Variants in AMPH observed in about 807,000 individuals in gnomAD.
AMPH encodes the protein amphiphysin (Stiff-Mann syndrome with breast cancer 128kD autoantigen).
In AMPH, 49 loss-of-function variants were observed where a neutral mutation model predicts 99.1. That is an observed-to-expected ratio of 0.49 (90% CI 0.39 to 0.63). The LOEUF (loss-of-function observed/expected upper bound fraction) is 0.63, where lower values mean the gene tolerates loss of function less well. Ranked by LOEUF, AMPH falls within the 20% of genes least tolerant of loss-of-function variation. The pLI is 0.00. For missense variants in AMPH, 759 were observed against 863.4 expected (o/e 0.88, Z 1.52); for synonymous variants, 314 against 317.3 (o/e 0.99, Z 0.11).
At chr7:38,545,108 A>C (rs1030696597) in intron 1 of AMPH, among the ~76,000 whole-genome samples, 1 of 152,212 alleles carries the variant, frequency 6.6e-6, no homozygotes, top group African/African-American at 2.4e-5. Flanking sequence ...AGAACCATAC[A>C]TGTGCCAGCA....
At chr7:38,446,374 G>A (rs1401750838) in intron 11 of AMPH, among the ~76,000 whole-genome samples, 1 of 152,116 alleles carries the variant, frequency 6.6e-6, no homozygotes, top group African/African-American at 2.4e-5. Flanking sequence ...TGCTTATAGT[G>A]CCTTTGTTTA....
intron 1 of AMPH, among the ~76,000 whole-genome samples, chr7:38,548,675 G>A (rs913273640): frequency 1.3e-5 from 2 of 152,116 alleles, no homozygotes; most frequent in African/African-American, 2.4e-5. Context: ...AGGGGGTCCC[G>A]AGCAGGTCTT....
intron 15 of AMPH, among the ~76,000 whole-genome samples, chr7:38,424,112 C>T (rs1785694327): frequency 2.0e-5 from 3 of 152,062 alleles, no homozygotes; most frequent in African/African-American, 7.2e-5. Context: ...ATCTGGCCAG[C>T]CCAAAGGAAA....
chr7:38,436,423 G>T, intron 11 of AMPH, 35 bp from the exon 12 acceptor site: 1 of 1,476,552 alleles, frequency 6.8e-7, no homozygotes, highest in Non-Finnish European at 9.5e-7. Context: ...AATAAAACAT[G>T]TATTAGCTTG....
intron 17 of AMPH, among the ~76,000 whole-genome samples, chr7:38,401,516 A>C (rs1479823092): frequency 1.3e-5 from 2 of 152,186 alleles, no homozygotes; most frequent in Non-Finnish European, 2.9e-5. Flanking sequence ...CACCTTATGT[A>C]ATTGGTAATG....
chr7:38,515,694 G>C (rs911723520), intron 2 of AMPH, among the ~76,000 whole-genome samples: 3 of 152,218 alleles, frequency 2.0e-5, no homozygotes, highest in Non-Finnish European at 2.9e-5. Flanking sequence ...ACTGGGTATT[G>C]GGTAGAGGTT....
chr7:38,434,950 C>T (rs1270949340), intron 12 of AMPH, among the ~76,000 whole-genome samples: 1 of 152,136 alleles, frequency 6.6e-6, no homozygotes, highest in African/African-American at 2.4e-5. Context: ...AGAGAACATT[C>T]CAATGAATAT....
intron 3 of AMPH, among the ~76,000 whole-genome samples, chr7:38,500,649 A>G (rs967246370): frequency 6.6e-6 from 1 of 152,194 alleles, no homozygotes; most frequent in Non-Finnish European, 1.5e-5. Flanking sequence ...ACTTATCCAC[A>G]TTTTCAAAAA....
intron 2 of AMPH, among the ~76,000 whole-genome samples, chr7:38,530,295 G>A (rs3807396): frequency 0.3 from 46,297 of 152,108 alleles, 7,536 homozygotes; most frequent in Non-Finnish European, 0.36. Flanking sequence ...CAACTCATGG[G>A]AGGCTGGTCT....
At chr7:38,426,894 A>G (rs2128990991) in intron 15 of AMPH, 60 bp downstream of exon 15, 2 of 1,534,428 alleles carry the variant, frequency 1.3e-6, no homozygotes, top group Non-Finnish European at 1.8e-6. Flanking sequence ...ACCAAACCAC[A>G]TTGAAAAAAA....
intron 16 of AMPH, chr7:38,420,876 G>T: frequency 2.2e-6 from 1 of 445,010 alleles, no homozygotes; most frequent in Non-Finnish European, 4.5e-6. Context: ...ATGCAGGCTG[G>T]GAGATGTACA....
intron 19 of AMPH, among the ~76,000 whole-genome samples, chr7:38,391,005 GA>G (rs1784476768): frequency 3.7e-5 from 2 of 54,076 alleles, no homozygotes; most frequent in Admixed American, 4.7e-4. Flanking sequence ...GAGAGAGAGA[GA>G]GAGAGAGAGA....
intron 7 of AMPH, among the ~76,000 whole-genome samples, chr7:38,467,265 T>TGTCTGAGATAGGGCAAAGGA (rs2129010864): frequency 6.6e-6 from 1 of 152,206 alleles, no homozygotes; most frequent in East Asian, 1.9e-4. Context: ...ACCCTAGATG[T>TGTCTGAGATAGGGCAAAGGA]GTCTGAGATA....
chr7:38,427,030 T>C lies in AMPH; in HGVS notation c.1183-44A>G, dbSNP rs772608635. 5 of 1,572,292 alleles carry C rather than the reference T, an allele frequency of 3.2e-6. No homozygotes were observed. The African/African-American group carries it at 5.4e-5, about 17-fold the overall frequency. On this transcript the variant is annotated intron_variant, in intron 14 of 20. Transcript: ENST00000356264. ...CAGATTGTGTTATTATTTTTCATTA[T>C]CATTTTGTAGGACCAGTAAATATCC...
chr7:38,542,777 G>A (rs542191091), intron 1 of AMPH, among the ~76,000 whole-genome samples: 6 of 151,940 alleles, frequency 3.9e-5, no homozygotes, highest in African/African-American at 7.2e-5. Flanking sequence ...GCAACATGGC[G>A]AGACCTCATC....
At chr7:38,526,355 C>T (rs1478635876) in intron 2 of AMPH, among the ~76,000 whole-genome samples, 4 of 150,998 alleles carry the variant, frequency 2.6e-5, no homozygotes, top group South Asian at 2.1e-4. Context: ...CTGCAACCTC[C>T]GCCTCCAGGG....
chr7:38,568,930 G>A (rs113690777), intron 1 of AMPH, among the ~76,000 whole-genome samples: 6 of 152,270 alleles, frequency 3.9e-5, no homozygotes, highest in African/African-American at 1.4e-4. Context: ...TACATAATGG[G>A]TGATACAGAT....
chr7:38,517,010 A>G (rs896271734), intron 2 of AMPH, among the ~76,000 whole-genome samples: 2 of 152,182 alleles, frequency 1.3e-5, no homozygotes, highest in Admixed American at 6.5e-5. Context: ...TCTCTATTGT[A>G]TCTTGGAAGT....
intron 1 of AMPH, among the ~76,000 whole-genome samples, chr7:38,624,539 G>A (rs1198242693): frequency 7.1e-6 from 1 of 140,644 alleles, no homozygotes. Context: ...GCTCACTACA[G>A]TCATGGTAAA....
Sources: gnomAD v4.1 joint callset for allele counts (sites outside exome capture counted in the v4.1 genomes callset) on GRCh38, gnomAD v4.1.1 for gene constraint, MANE v1.5 for transcripts, NCBI Gene and HGNC (gene_info 2026-07-23, HGNC 2026-07-21) for gene names.